The following BNIP5 variants were observed in gnomAD, a reference collection of about 807,000 sequenced individuals.
BNIP5 encodes protein BNIP5.
A neutral mutation model predicts 67.3 loss-of-function variants in BNIP5; 61 were observed. The observed-to-expected ratio is 0.91, with a 90% CI of 0.74 to 1.12. BNIP5 has a LOEUF of 1.12. Among genes scored for constraint, BNIP5 ranks in the 50% most tolerant of loss-of-function variants. BNIP5 has a pLI of 0.00. For missense variants in BNIP5, 826 were observed against 816.3 expected (o/e 1.01, Z -0.14); for synonymous variants, 317 against 319.0 (o/e 0.99, Z 0.07).
rs375650887 is a variant in BNIP5, at chr6:36,328,578, C to T, written c.727+20G>A. ...CCACCTCAGCCACAGGCAAAAAGGT[C>T]ACTAGAGATTCCGACTCACGGTCAG... On this transcript the variant is annotated intron_variant, in intron 3 of 11. Transcript: ENST00000437635. The T allele has an allele frequency of 2.0e-6, 3 of 1,493,550 alleles. No homozygotes were observed. In the African/African-American group the frequency reaches 4.1e-5, roughly 21 times the overall value. The allele number at this position is 1,493,550 out of a possible 1,614,324, so 92.5% of individuals were successfully genotyped here.
At chr6:36,319,235 C>A (rs1771580404) in intron 11 of BNIP5, 121 bp downstream of exon 11, 1 of 1,233,158 alleles carries the variant, frequency 8.1e-7, no homozygotes, top group Non-Finnish European at 1.1e-6. Flanking sequence ...TTGAGATAGA[C>A]CCAAAAATTC....
At chr6:36,324,041 G>T in intron 7 of BNIP5, 88 bp downstream of exon 7, 10 of 926,922 alleles carry the variant, frequency 1.1e-5, no homozygotes, top group Non-Finnish European at 1.4e-5. Flanking sequence ...GGACACAGAA[G>T]AGCAGCAGAG....
At chr6:36,328,469 A>C in intron 3 of BNIP5, 129 bp downstream of exon 3, 1 of 606,252 alleles carries the variant, frequency 1.6e-6, no homozygotes, top group Non-Finnish European at 3.0e-6. Flanking sequence ...CAAAAGAGGC[A>C]AGAAAGGCCA....
At chr6:36,334,403 C>T (rs1484213147) in intron 1 of BNIP5, among the ~76,000 whole-genome samples, 3 of 152,140 alleles carry the variant, frequency 2.0e-5, no homozygotes, top group African/African-American at 7.2e-5. Flanking sequence ...TGGCCTCTTC[C>T]CATGTCTTGT....
intron 9 of BNIP5, 114 bp from the exon 10 acceptor site, chr6:36,321,333 T>A: frequency 1.3e-6 from 1 of 769,528 alleles, no homozygotes; most frequent in Non-Finnish European, 2.3e-6. Flanking sequence ...ATTTTCTCTC[T>A]AAAACTCAGC....
chr6:36,330,633 C>G lies in BNIP5; in HGVS notation c.58G>C (p.Asp20His). 2 of 1,606,464 alleles carry G rather than the reference C, an allele frequency of 1.2e-6. No individual in the cohort carries two copies. Among genetic ancestry groups the G allele is most frequent in the Non-Finnish European group, 1.7e-6 (2 of 1,179,450 alleles). Reference sequence around the variant, plus strand: ...CCTTTCCCGGGGGCCTGCGGCCTGTCCAGAGACCTGGCTTTCTTCTCCGCC... The same window carrying G: ...CCTTTCCCGGGGGCCTGCGGCCTGTGCAGAGACCTGGCTTTCTTCTCCGCC... ...PLAEKKARSL[D>H]RPQAPGKGSE... The change falls in exon 2 of 12, where the codon GAC becomes CAC. Residue 20 changes from aspartate to histidine, a missense_variant. By Grantham distance (81) the Asp-to-His change is moderately conservative. Coordinates refer to ENST00000437635, the MANE Select transcript of BNIP5 (RefSeq NM_001010903.5).
chr6:36,326,829 G>A (rs1771774832), intron 4 of BNIP5, 76 bp from the exon 5 acceptor site: 1 of 1,593,094 alleles, frequency 6.3e-7, no homozygotes, highest in Non-Finnish European at 8.6e-7. Context: ...CAAGTGAAGA[G>A]CAGCCAAGCT....
At chr6:36,328,175 A>T (rs1771805929) in intron 3 of BNIP5, among the ~76,000 whole-genome samples, 1 of 152,190 alleles carries the variant, frequency 6.6e-6, no homozygotes, top group Non-Finnish European at 1.5e-5. Context: ...TTTACTCCAA[A>T]ATGATTCAGC....
chr6:36,326,046 T>G (rs772409962), intron 5 of BNIP5, among the ~76,000 whole-genome samples: 2 of 152,214 alleles, frequency 1.3e-5, no homozygotes, highest in Non-Finnish European at 2.9e-5. Context: ...CTTCATCTGA[T>G]GGCTGTGAGG....
chr6:36,323,811 C>A (rs1478331319), intron 7 of BNIP5, among the ~76,000 whole-genome samples: 1 of 151,978 alleles, frequency 6.6e-6, no homozygotes, highest in Admixed American at 6.5e-5. Context: ...ACCAGCCTGG[C>A]CAATATGGTA....
rs540788392 is a variant in BNIP5 at position 36,330,623 on chromosome 6, T to A, written c.68A>T (p.Gln23Leu). 27 of 1,608,968 alleles carry A rather than the reference T, an allele frequency of 1.7e-5. No homozygotes were observed. The African/African-American group carries it at 3.6e-4, about 21-fold the overall frequency. Residue 23 changes from glutamine (Q) to leucine (L), a missense_variant, in exon 2 of 12, where the codon CAG becomes CTG. By Grantham distance (113) the Gln-to-Leu change is moderately radical. Transcript: ENST00000437635. ...CGACTCCGAGCCTTTCCCGGGGGCC[T>A]GCGGCCTGTCCAGAGACCTGGCTTT... ...EKKARSLDRP[Q>L]APGKGSESWD...
intron 1 of BNIP5, among the ~76,000 whole-genome samples, chr6:36,336,144 G>A (rs949306933): frequency 2.0e-5 from 3 of 152,160 alleles, no homozygotes; most frequent in Non-Finnish European, 2.9e-5. Context: ...TCCCATCCAA[G>A]AGAGCAGTAG....
chr6:36,320,966 G>A (rs2127363191), intron 10 of BNIP5, among the ~76,000 whole-genome samples, 189 bp downstream of exon 10: 1 of 152,330 alleles, frequency 6.6e-6, no homozygotes, highest in Non-Finnish European at 1.5e-5. Context: ...TACATGTCTG[G>A]CGTTTTCTAC....
Position 36,316,118 on chromosome 6 carries a change from G to C in BNIP5, c.*1238C>G, listed in dbSNP as rs1222180022. On this transcript the variant is annotated 3_prime_UTR_variant, in exon 12 of 12. Coordinates refer to ENST00000437635, the MANE Select transcript of BNIP5 (RefSeq NM_001010903.5). Reference sequence around the variant, plus strand: ...AAGCACCCAGGGCCTCTCCGCTCTAGACTGCTCCTCCTCCCCAGTCCTACC... The same window carrying C: ...AAGCACCCAGGGCCTCTCCGCTCTACACTGCTCCTCCTCCCCAGTCCTACC... The C allele has an allele frequency of 6.0e-6, 1 of 167,198 alleles. No homozygotes were observed. The highest frequency in any genetic ancestry group is 1.6e-4 in the East Asian group (1 of 6,172). 10.4% of individuals were successfully genotyped at this position (167,198 alleles called of 1,614,324 possible).
intron 1 of BNIP5, among the ~76,000 whole-genome samples, chr6:36,333,618 C>T (rs1771950371): frequency 6.6e-6 from 1 of 152,308 alleles, no homozygotes; most frequent in African/African-American, 2.4e-5. Context: ...GTGTGTGCCC[C>T]CAGAGGGAAT....
At position 36,330,391 on chromosome 6, in the gene BNIP5, C is replaced by T; in HGVS notation, c.300G>A (p.Leu100=). The T allele has an allele frequency of 6.2e-7, 1 of 1,614,202 alleles. No individual in the cohort carries two copies. Among genetic ancestry groups the T allele is most frequent in the South Asian group, 1.1e-5 (1 of 91,076 alleles). ...RPSQDTKKGW[L]KTMLNFFVRT... is the part of the protein sequence containing the mutation. ...TCACGAAGAAGTTCAGCATGGTCTT[C>T]AGCCACCCCTTCTTGGTGTCTTGCG... The change falls in exon 2 of 12, where the codon CTG becomes CTA. Residue 100 remains leucine, a synonymous_variant. Coordinates refer to ENST00000437635, the MANE Select transcript of BNIP5 (RefSeq NM_001010903.5).
chr6:36,319,651 A>T, intron 10 of BNIP5, 41 bp from the exon 11 acceptor site: 1 of 1,584,292 alleles, frequency 6.3e-7, no homozygotes, highest in Non-Finnish European at 8.6e-7. Context: ...TGTTGCTGGC[A>T]GTACCCCTCC....
chr6:36,328,483 C>A, intron 3 of BNIP5, 115 bp downstream of exon 3: 1 of 694,320 alleles, frequency 1.4e-6, no homozygotes, highest in Non-Finnish European at 2.6e-6. Flanking sequence ...AAGGCCAGTG[C>A]ATGTATTTTG....
chr6:36,330,525 C>T lies in BNIP5; in HGVS notation c.166G>A (p.Ala56Thr), dbSNP rs376268301. Reference protein sequence around the residue: ...KALHWTTSDWARHSDSPAPSA... With the variant: ...KALHWTTSDWTRHSDSPAPSA... The stretch of plus-strand genomic sequence containing the variant: ...GGAGCTGGGCTGTCTGAATGTCTGG[C>T]CCAATCACTGGTCGTCCAGTGAAGC... The change falls in exon 2 of 12, where the codon GCC (alanine) becomes ACC (threonine). Residue 56 changes from alanine to threonine, a missense_variant. By Grantham distance (58) the Ala-to-Thr change is moderately conservative. Coordinates refer to ENST00000437635, the MANE Select transcript of BNIP5 (RefSeq NM_001010903.5). 10 of 1,613,948 alleles carry T rather than the reference C, an allele frequency of 6.2e-6. No homozygotes were observed. The African/African-American group carries it at 8.0e-5, about 13-fold the overall frequency.
Sources: allele counts gnomAD v4.1 joint callset (sites outside exome capture counted in the v4.1 genomes callset), GRCh38; gene constraint gnomAD v4.1.1; transcripts MANE v1.5; gene names NCBI Gene and HGNC (gene_info 2026-07-23, HGNC 2026-07-21).